BPTF: variants seen among roughly 807,000 people sequenced by gnomAD.
The protein encoded by BPTF is bromodomain PHD finger transcription factor, also known as nucleosome-remodeling factor subunit BPTF.
A neutral mutation model predicts 292.5 loss-of-function variants in BPTF; 18 were observed. That is an observed-to-expected ratio of 0.06 (90% CI 0.04 to 0.09). BPTF has a LOEUF of 0.09. BPTF is among the 10% of genes least tolerant of loss of function. The probability of loss-of-function intolerance (pLI) is 1.00; values close to 1 mark genes in which losing one functional copy is unlikely to be tolerated. For synonymous variants in BPTF, 1,225 were observed against 1,251.9 expected, an observed-to-expected ratio of 0.98 and a Z score of 0.45; for missense variants, 2,726 against 3,498.7, an observed-to-expected ratio of 0.78 and a Z score of 5.57.
intron 13 of BPTF, 28 bp from the exon 14 acceptor site, chr17:67,922,812 T>G: frequency 6.3e-7 from 1 of 1,577,978 alleles, no homozygotes; most frequent in South Asian, 1.2e-5. Flanking sequence ...GCAATATTGC[T>G]TAAAATATTC....
chr17:67,961,979 AAAAAG>A (rs1198025025), intron 24 of BPTF, among the ~76,000 whole-genome samples: 36 of 151,900 alleles, frequency 2.4e-4, no homozygotes, highest in Middle Eastern at 3.4e-3. Flanking sequence ...GTCAAAAAAA[AAAAAG>A]AAAAGAAAAA....
At chr17:67,890,560 G>T (rs551309585) in intron 4 of BPTF, among the ~76,000 whole-genome samples, 1 of 152,300 alleles carries the variant, frequency 6.6e-6, no homozygotes, top group South Asian at 2.1e-4. Context: ...GCCAGCTAGT[G>T]GTGTGCTTTG....
At chr17:67,918,147 G>T (rs1328652775) in intron 11 of BPTF, among the ~76,000 whole-genome samples, 2 of 150,640 alleles carry the variant, frequency 1.3e-5, no homozygotes, top group Non-Finnish European at 3.0e-5. Context: ...TATTGGTCAG[G>T]CTGGTGTCGA....
At chr17:67,831,690 G>C (rs180696440) in intron 1 of BPTF, among the ~76,000 whole-genome samples, 2 of 152,154 alleles carry the variant, frequency 1.3e-5, no homozygotes, top group African/African-American at 4.8e-5. Flanking sequence ...GTCATGGTGG[G>C]CAAGTAGTAT....
At position 67,945,638 on chromosome 17, in the gene BPTF, T is replaced by A. The variant is rs200895790; in HGVS notation, c.6930T>A (p.Pro2310=). 1 of 1,613,892 alleles carries A rather than the reference T, an allele frequency of 6.2e-7. No individual in the cohort carries two copies. The highest frequency in any genetic ancestry group is 1.3e-5 in the African/African-American group (1 of 75,002). Residue 2310 remains proline (P), a synonymous_variant, in exon 21 of 28, where the codon CCT becomes CCA. Coordinates refer to ENST00000306378, the MANE Select transcript of BPTF (RefSeq NM_182641.4). ...AAACAACTGTTTCATCCCATGTCCC[T>A]TCTGAAGCACAACCCACCCACGCAC... ...QTQTTVSSHV[P]SEAQPTHAQS...
chr17:67,925,992 CTTTTTTTT>C (rs60083535), intron 15 of BPTF, among the ~76,000 whole-genome samples: 190 of 56,642 alleles, frequency 3.4e-3, no homozygotes, highest in African/African-American at 8.6e-3. Context: ...TAACATATTA[CTTTTTTTT>C]TTTTTTTTTT....
At chr17:67,894,579 C>T (rs1027408369) in intron 7 of BPTF, among the ~76,000 whole-genome samples, 3 of 152,176 alleles carry the variant, frequency 2.0e-5, no homozygotes, top group Admixed American at 6.5e-5. Flanking sequence ...CTGCCCTCCT[C>T]GGCCTCCCAA....
At chr17:67,946,350 A>G (rs2065811459) in intron 21 of BPTF, 25 bp downstream of exon 21, 3 of 1,607,616 alleles carry the variant, frequency 1.9e-6, no homozygotes, top group Non-Finnish European at 2.5e-6. Flanking sequence ...TAAAAGCAGC[A>G]TGTTCAGTAG....
intron 5 of BPTF, 122 bp downstream of exon 5, chr17:67,892,156 C>T: frequency 1.3e-6 from 1 of 781,594 alleles, no homozygotes; most frequent in Non-Finnish European, 1.9e-6. Context: ...ATTATATTTT[C>T]TCTGTTTCCG....
intron 1 of BPTF, among the ~76,000 whole-genome samples, chr17:67,831,650 T>C (rs2056692492): frequency 6.6e-6 from 1 of 152,220 alleles, no homozygotes; most frequent in Middle Eastern, 3.4e-3. Flanking sequence ...AGACCCTTAA[T>C]GGTGGAGACA....
intron 3 of BPTF, among the ~76,000 whole-genome samples, chr17:67,867,659 G>A (rs373221403): frequency 1.1e-4 from 17 of 152,246 alleles, no homozygotes; most frequent in African/African-American, 3.9e-4. Flanking sequence ...CTTGACAGTT[G>A]GGAGGAGTAG....
At chr17:67,881,858 G>GTTTTTTTTTTT (rs71354089) in intron 4 of BPTF, among the ~76,000 whole-genome samples, 1 of 30,014 alleles carries the variant, frequency 3.3e-5, no homozygotes, top group African/African-American at 8.9e-5. Context: ...TTGGGTTTTT[G>GTTTTTTTTTTT]TTTTTTTTTT....
At chr17:67,836,724 A>G (rs903307215) in intron 1 of BPTF, among the ~76,000 whole-genome samples, 8 of 152,252 alleles carry the variant, frequency 5.3e-5, no homozygotes, top group Non-Finnish European at 1.0e-4. Flanking sequence ...GTAGGCAGAA[A>G]GAAAGTGCAG....
intron 18 of BPTF, among the ~76,000 whole-genome samples, chr17:67,933,151 G>A (rs1568110117): frequency 6.6e-6 from 1 of 151,992 alleles, no homozygotes; most frequent in East Asian, 1.9e-4. Flanking sequence ...TACTCTACTC[G>A]GGAGGCTGAG....
intron 19 of BPTF, 42 bp downstream of exon 19, chr17:67,940,698 AT>A: frequency 6.4e-7 from 1 of 1,564,254 alleles, no homozygotes; most frequent in Non-Finnish European, 8.8e-7. Flanking sequence ...AGGTGATCTT[AT>A]TTATTCTTGC....
intron 18 of BPTF, among the ~76,000 whole-genome samples, chr17:67,937,312 C>T (rs1294966057): frequency 6.6e-6 from 1 of 151,286 alleles, no homozygotes; most frequent in African/African-American, 2.4e-5. Flanking sequence ...AAAAAATTAG[C>T]TGGGCATCAT....
chr17:67,908,266 C>T (rs1286321333), intron 9 of BPTF, among the ~76,000 whole-genome samples: 2 of 151,890 alleles, frequency 1.3e-5, no homozygotes, highest in East Asian at 3.9e-4. Context: ...TGAAGCAATT[C>T]TCCTGCTTCA....
chr17:67,828,593 A>G (rs1010397224), intron 1 of BPTF, among the ~76,000 whole-genome samples: 1 of 152,184 alleles, frequency 6.6e-6, no homozygotes, highest in Non-Finnish European at 1.5e-5. Context: ...CAATGGCACA[A>G]TCTTGGCTCA....
intron 1 of BPTF, among the ~76,000 whole-genome samples, chr17:67,848,977 T>G (rs1257563942): frequency 6.6e-6 from 1 of 152,172 alleles, no homozygotes; most frequent in Admixed American, 6.5e-5. Flanking sequence ...TCCTTAGCAG[T>G]TTCTTTTGTG....
Sources: allele counts gnomAD v4.1 joint callset (sites outside exome capture counted in the v4.1 genomes callset), GRCh38; gene constraint gnomAD v4.1.1; transcripts MANE v1.5; gene names NCBI Gene and HGNC (gene_info 2026-07-23, HGNC 2026-07-21).